Variants in CDADC1 observed in about 807,000 individuals in gnomAD.
CDADC1 encodes dCTP deaminase.
Under a neutral mutation model 54.9 loss-of-function variants are expected in CDADC1, and 39 were observed. That is an observed-to-expected ratio of 0.71 (90% CI 0.55 to 0.93). The LOEUF is 0.93. Among genes scored for constraint, CDADC1 ranks in the 40% least tolerant of loss-of-function variants. The pLI is 0.00. For missense variants in CDADC1, 518 were observed against 618.8 expected (o/e 0.84, Z 1.73); for synonymous variants, 186 against 204.0 (o/e 0.91, Z 0.75).
intron 8 of CDADC1, 118 bp from the exon 9 acceptor site, chr13:49,286,103 TA>T: frequency 1.3e-6 from 1 of 793,232 alleles, no homozygotes; most frequent in Non-Finnish European, 2.0e-6. Context: ...TGTGACCCAC[TA>T]TGCCCAGCCA....
At chr13:49,274,852 C>T (rs974669651) in intron 6 of CDADC1, among the ~76,000 whole-genome samples, 1 of 152,026 alleles carries the variant, frequency 6.6e-6, no homozygotes, top group African/African-American at 2.4e-5. Context: ...CATTTTATGG[C>T]CTCATAGTTT....
At chr13:49,248,260 G>T in intron 1 of CDADC1, 141 bp downstream of exon 1, 1 of 723,886 alleles carries the variant, frequency 1.4e-6, no homozygotes, top group Non-Finnish European at 2.2e-6. Flanking sequence ...CCCTCTGCGT[G>T]TCCCCTCCGC....
chr13:49,292,971 GTGTAGGA>G lies in CDADC1; in HGVS notation c.*1215_*1221del. On this transcript the variant is annotated 3_prime_UTR_variant, in exon 10 of 10. Transcript: ENST00000251108. ...CATGCCAGGGCTGTGACTGCAGCCTGTGTAGGACCATGGGGAGTTCAGAGTCATCATA... is the reference window on the plus strand; with the variant it reads ...CATGCCAGGGCTGTGACTGCAGCCTGCCATGGGGAGTTCAGAGTCATCATA... The G allele has an allele frequency of 2.9e-6, 1 of 350,664 alleles. No individual in the cohort carries two copies. Among genetic ancestry groups the G allele is most frequent in the Non-Finnish European group, 5.3e-6 (1 of 187,292 alleles). 21.7% of individuals were successfully genotyped at this position (350,664 alleles called of 1,614,324 possible).
intron 7 of CDADC1, 131 bp downstream of exon 7, chr13:49,278,650 G>A (rs1953218471): frequency 1.4e-6 from 1 of 702,696 alleles, no homozygotes; most frequent in African/African-American, 1.8e-5. Context: ...TATAACTTTG[G>A]TAAAGCTTGG....
intron 3 of CDADC1, among the ~76,000 whole-genome samples, chr13:49,256,558 C>A (rs552766231): frequency 3.3e-5 from 5 of 152,312 alleles, no homozygotes; most frequent in African/African-American, 1.2e-4. Flanking sequence ...TGCTAATATC[C>A]ATGAAACAGT....
chr13:49,273,620 G>C (rs1953026910), intron 5 of CDADC1, among the ~76,000 whole-genome samples: 1 of 152,138 alleles, frequency 6.6e-6, no homozygotes, highest in Non-Finnish European at 1.5e-5. Context: ...TCTGCTATTT[G>C]ATTTAGAAAT....
chr13:49,292,364 T>A lies in CDADC1; in HGVS notation c.*607T>A, dbSNP rs901639610. On this transcript the variant is annotated 3_prime_UTR_variant, in exon 10 of 10. Transcript: ENST00000251108. ...TCTGTGGTCCTGTTTATCACAGACT[T>A]TGGGTAGCAATAGGAAGAGAGTGTT... 1 of 983,814 alleles carries A rather than the reference T, an allele frequency of 1.0e-6. No homozygotes were observed. Among genetic ancestry groups the A allele is most frequent in the Non-Finnish European group, 1.2e-6 (1 of 831,720 alleles). The allele number at this position is 983,814 out of a possible 1,614,324, so 60.9% of individuals were successfully genotyped here.
chr13:49,264,582 G>A (rs1392380382), intron 4 of CDADC1, among the ~76,000 whole-genome samples: 1 of 151,458 alleles, frequency 6.6e-6, no homozygotes, highest in Non-Finnish European at 1.5e-5. Context: ...AAAGAGCTGG[G>A]TGTGGTGGTG....
chr13:49,273,086 G>T (rs754904498), intron 5 of CDADC1, among the ~76,000 whole-genome samples: 2 of 152,090 alleles, frequency 1.3e-5, no homozygotes, highest in Non-Finnish European at 2.9e-5. Flanking sequence ...GAAAACCAGG[G>T]TTTGCTTGAA....
chr13:49,292,648 T>C lies in CDADC1; in HGVS notation c.*891T>C, dbSNP rs1953745448. On this transcript the variant is annotated 3_prime_UTR_variant, in exon 10 of 10. Coordinates refer to ENST00000251108, the MANE Select transcript of CDADC1 (RefSeq NM_030911.4). ...ATTTGCCAACCTCAAGAATAAATAC[T>C]GAAAGTCTTGAAAGTATGGTCATTT... is the stretch of plus-strand genomic sequence containing the variant. 2 of 1,191,338 alleles carry C rather than the reference T, an allele frequency of 1.7e-6. No homozygotes were observed. The highest frequency in any genetic ancestry group is 1.6e-5 in the South Asian group (1 of 62,682). 73.8% of individuals were successfully genotyped at this position (1,191,338 alleles called of 1,614,324 possible).
chr13:49,260,914 G>A (rs1463800114), intron 4 of CDADC1, among the ~76,000 whole-genome samples: 1 of 152,192 alleles, frequency 6.6e-6, no homozygotes. Flanking sequence ...AAAGGCTGGG[G>A]CTTAAGCTTG....
At chr13:49,257,625 C>G (rs146425369) in intron 3 of CDADC1, among the ~76,000 whole-genome samples, 4,342 of 152,114 alleles carry the variant, frequency 0.029, 195 homozygotes, top group African/African-American at 0.096. Context: ...AAAAAATTAG[C>G]CGGGCGTGGT....
chr13:49,248,914 C>G lies in CDADC1; in HGVS notation c.126C>G (p.Leu42=), dbSNP rs751318682. ...RLSKVNLFTL[L]SLWMELFPAE... is the part of the protein sequence containing the mutation. Reference sequence around the variant, plus strand: ...CTAAAGTCAACCTTTTCACTCTGCTCAGCCTCTGGATGGAGCTCTTTCCAG... The same window carrying G: ...CTAAAGTCAACCTTTTCACTCTGCTGAGCCTCTGGATGGAGCTCTTTCCAG... The change falls in exon 2 of 10, where the codon CTC becomes CTG. Residue 42 remains leucine, a synonymous_variant. Coordinates refer to ENST00000251108, the MANE Select transcript of CDADC1 (RefSeq NM_030911.4). 38 of 1,613,106 alleles carry G rather than the reference C, an allele frequency of 2.4e-5. No homozygotes were observed. In the Admixed American group the frequency reaches 6.3e-4, roughly 27 times the overall value.
rs556851976 is a variant in CDADC1, at chr13:49,291,914, A to T, written c.*157A>T. On this transcript the variant is annotated 3_prime_UTR_variant, in exon 10 of 10. Coordinates refer to ENST00000251108, the MANE Select transcript of CDADC1 (RefSeq NM_030911.4). ...TTTCTAGGATACAAATGGTGTTAAT[A>T]AGAATATTTGTCTTTTAGATTTATG... The T allele has an allele frequency of 2.1e-6, 3 of 1,401,096 alleles. No individual in the cohort carries two copies. The African/African-American group carries it at 4.4e-5, about 20-fold the overall frequency. 86.8% of individuals were successfully genotyped at this position (1,401,096 alleles called of 1,614,324 possible). A position where few individuals can be genotyped will look rare whatever the true frequency, so the allele number is the denominator to read the frequency against.
At chr13:49,264,847 C>T (rs1952778979) in intron 4 of CDADC1, among the ~76,000 whole-genome samples, 1 of 152,056 alleles carries the variant, frequency 6.6e-6, no homozygotes, top group Admixed American at 6.5e-5. Flanking sequence ...TCAAGTTTAA[C>T]TCACTGAATT....
At chr13:49,281,223 T>TA (rs774145668) in intron 8 of CDADC1, among the ~76,000 whole-genome samples, 34 of 152,304 alleles carry the variant, frequency 2.2e-4, no homozygotes, top group African/African-American at 2.4e-5. Context: ...ATTCCTGCCT[T>TA]ATGAATTTAC....
At chr13:49,265,827 C>T in intron 4 of CDADC1, 3 of 1,279,136 alleles carry the variant, frequency 2.3e-6, no homozygotes, top group Non-Finnish European at 2.1e-6. Context: ...TTAGCATTTG[C>T]CACTAATACA....
chr13:49,278,446 G>T lies in CDADC1; in HGVS notation c.1147G>T (p.Asp383Tyr). ...SEYADFPHMD[D>Y]KQKDREIRKF... ...GTATGCTGACTTCCCACACATGGAT[G>T]ACAAGCAGAAAGACAGAGAAATAAG... Residue 383 changes from aspartate to tyrosine, a missense_variant, in exon 7 of 10, where the codon GAC becomes TAC. Physicochemically the swap from Asp to Tyr is radical, Grantham distance 160. Coordinates refer to ENST00000251108, the MANE Select transcript of CDADC1 (RefSeq NM_030911.4). 1 of 1,604,880 alleles carries T rather than the reference G, an allele frequency of 6.2e-7. No homozygotes were observed. The highest frequency in any genetic ancestry group is 1.1e-5 in the South Asian group (1 of 90,160).
At chr13:49,265,489 T>G (rs1292672253) in intron 4 of CDADC1, among the ~76,000 whole-genome samples, 1 of 152,186 alleles carries the variant, frequency 6.6e-6, no homozygotes, top group East Asian at 1.9e-4. Context: ...TTCTTAATTT[T>G]CCAGTGATAT....
Sources: allele counts gnomAD v4.1 joint callset (sites outside exome capture counted in the v4.1 genomes callset), GRCh38; gene constraint gnomAD v4.1.1; transcripts MANE v1.5; gene names NCBI Gene and HGNC (gene_info 2026-07-23, HGNC 2026-07-21).